The following PCDH15 variants were observed in gnomAD, a reference collection of about 807,000 sequenced individuals.
PCDH15 encodes protocadherin-15.
A neutral mutation model predicts 178.5 loss-of-function variants in PCDH15; 129 were observed. The observed-to-expected ratio is 0.72, with a 90% CI of 0.63 to 0.84. The LOEUF (loss-of-function observed/expected upper bound fraction) is 0.84, where lower values mean the gene tolerates loss of function less well. Among genes scored for constraint, PCDH15 ranks in the 40% least tolerant of loss-of-function variants. The pLI, the probability that PCDH15 is intolerant of heterozygous loss-of-function variation, is 0.00. For synonymous variants in PCDH15, 800 were observed against 732.0 expected (o/e 1.09, Z -1.50); for missense variants, 2,230 against 2,099.9 (o/e 1.06, Z -1.21).
At chr10:55,115,323 G>A (rs938225841) in intron 2 of PCDH15, among the ~76,000 whole-genome samples, 1 of 152,176 alleles carries the variant, frequency 6.6e-6, no homozygotes, top group Non-Finnish European at 1.5e-5. Context: ...GACACTGGTA[G>A]CATCTATGCA....
chr10:53,868,712 C>G (rs1400845565), intron 26 of PCDH15, among the ~76,000 whole-genome samples: 2 of 152,024 alleles, frequency 1.3e-5, no homozygotes, highest in Non-Finnish European at 2.9e-5. Flanking sequence ...ATATTGTGAA[C>G]CATTTAAAAC....
chr10:54,028,052 G>A (rs2093167980), intron 18 of PCDH15, among the ~76,000 whole-genome samples: 1 of 150,742 alleles, frequency 6.6e-6, no homozygotes, highest in Non-Finnish European at 1.5e-5. Context: ...TCTGACAAAG[G>A]GCTAATATCC....
At chr10:54,937,108 T>C (rs1054393246) in intron 2 of PCDH15, among the ~76,000 whole-genome samples, 3 of 152,144 alleles carry the variant, frequency 2.0e-5, no homozygotes, top group Non-Finnish European at 4.4e-5. Context: ...TTTACCCCAT[T>C]GAAATCTCGC....
chr10:53,901,799 T>C (rs1401852680), intron 26 of PCDH15, among the ~76,000 whole-genome samples: 3 of 152,212 alleles, frequency 2.0e-5, no homozygotes, highest in Non-Finnish European at 2.9e-5. Context: ...TTTTCCTTTA[T>C]TCAGGTCACT....
At chr10:55,599,871 A>T in intron 2 of PCDH15, 1 of 1,427,772 alleles carries the variant, frequency 7.0e-7, no homozygotes, top group Non-Finnish European at 9.4e-7. Flanking sequence ...TAGCATAATC[A>T]CTTGTTCCCT....
At chr10:55,232,314 A>T (rs1220897742) in intron 1 of PCDH15, among the ~76,000 whole-genome samples, 1 of 152,096 alleles carries the variant, frequency 6.6e-6, no homozygotes, top group Admixed American at 6.6e-5. Flanking sequence ...TATTTTGTGG[A>T]TTAACATTTA....
At chr10:54,012,412 G>A (rs2092617044) in intron 20 of PCDH15, among the ~76,000 whole-genome samples, 1 of 151,928 alleles carries the variant, frequency 6.6e-6, no homozygotes, top group Admixed American at 6.6e-5. Flanking sequence ...CACTAGAGAG[G>A]CCAATATTAA....
rs1000115450 is a variant in PCDH15, at chr10:54,604,620, T to G, written c.91+59552A>C. ...TCTTTTCATTACCATTTGCATAAAATATATATTTTTCCATCCTATCATGTT... is the reference window on the plus strand; with the variant it reads ...TCTTTTCATTACCATTTGCATAAAAGATATATTTTTCCATCCTATCATGTT... On this transcript the variant is annotated intron_variant, in intron 2 of 37. Coordinates refer to ENST00000644397, the MANE Select transcript of PCDH15 (RefSeq NM_001384140.1). 2.0e-5 allele frequency among the ~76,000 whole-genome samples: 3 copies of G among 149,038 alleles called. No homozygotes were observed. In the Admixed American group the frequency reaches 2.0e-4, roughly 10 times the overall value.
At chr10:54,464,577 C>T (rs1192246342) in intron 3 of PCDH15, among the ~76,000 whole-genome samples, 1 of 152,120 alleles carries the variant, frequency 6.6e-6, no homozygotes, top group Non-Finnish European at 1.5e-5. Context: ...CTCCCCTAGA[C>T]AAAATCTATA....
intron 1 of PCDH15, among the ~76,000 whole-genome samples, chr10:55,218,370 T>C (rs1840768833): frequency 6.6e-6 from 1 of 151,782 alleles, no homozygotes; most frequent in African/African-American, 2.4e-5. Flanking sequence ...GAAAATAATA[T>C]AGAATAGAAA....
At chr10:55,524,856 A>C (rs1413742580) in intron 2 of PCDH15, among the ~76,000 whole-genome samples, 1 of 151,798 alleles carries the variant, frequency 6.6e-6, no homozygotes, top group Non-Finnish European at 1.5e-5. Context: ...TTAAACATCA[A>C]TTAAGGCAAT....
intron 2 of PCDH15, chr10:54,575,313 T>G: frequency 6.6e-6 from 1 of 152,566 alleles, no homozygotes; most frequent in African/African-American, 2.4e-5. Flanking sequence ...AAAAAAAAAC[T>G]GAAATTGGCC....
intron 8 of PCDH15, among the ~76,000 whole-genome samples, chr10:54,268,479 A>G (rs1420254542): frequency 6.6e-6 from 1 of 151,834 alleles, no homozygotes; most frequent in East Asian, 1.9e-4. Flanking sequence ...TTCTATTGCA[A>G]ATATGAAATA....
At chr10:54,851,348 C>T (rs1018382996) in intron 3 of PCDH15, among the ~76,000 whole-genome samples, 1 of 151,688 alleles carries the variant, frequency 6.6e-6, no homozygotes, top group South Asian at 2.1e-4. Context: ...TTTAAAATGA[C>T]AAAATAAATA....
chr10:54,220,752 G>A (rs751328835), intron 9 of PCDH15, among the ~76,000 whole-genome samples: 4 of 151,774 alleles, frequency 2.6e-5, no homozygotes, highest in Non-Finnish European at 5.9e-5. Flanking sequence ...GTGAACCCAG[G>A]AGGCGGAGCT....
At chr10:54,488,837 TGTA>T (rs1365534550) in intron 3 of PCDH15, among the ~76,000 whole-genome samples, 1 of 151,924 alleles carries the variant, frequency 6.6e-6, no homozygotes, top group Non-Finnish European at 1.5e-5. Context: ...TCTCAAAAAA[TGTA>T]GTAGAATATG....
At chr10:55,377,693 T>C (rs1160711591) in intron 2 of PCDH15, among the ~76,000 whole-genome samples, 1 of 152,132 alleles carries the variant, frequency 6.6e-6, no homozygotes, top group African/African-American at 2.4e-5. Flanking sequence ...TTTACCACTA[T>C]ATATATTCTT....
At chr10:54,770,179 T>G (rs74136279) in intron 1 of PCDH15, among the ~76,000 whole-genome samples, 10,823 of 152,148 alleles carry the variant, frequency 0.071, 1,316 homozygotes, top group African/African-American at 0.25. Context: ...GGGCATATGT[T>G]TCTGCATCTA....
chr10:55,213,603 C>A (rs1350777963), intron 1 of PCDH15, among the ~76,000 whole-genome samples: 2 of 151,406 alleles, frequency 1.3e-5, no homozygotes, highest in African/African-American at 2.4e-5. Context: ...TATTTTTAAT[C>A]TTTTAAAAAT....
Sources: gnomAD v4.1 joint callset for allele counts (sites outside exome capture counted in the v4.1 genomes callset) on GRCh38, gnomAD v4.1.1 for gene constraint, MANE v1.5 for transcripts, NCBI Gene and HGNC (gene_info 2026-07-23, HGNC 2026-07-21) for gene names.